The following ST7 variants were observed in gnomAD, a reference collection of about 807,000 sequenced individuals.
ST7 encodes the protein suppression of tumorigenicity 7.
A neutral mutation model predicts 78.7 loss-of-function variants in ST7; 28 were observed. That is an observed-to-expected ratio of 0.36 (90% CI 0.26 to 0.49). The LOEUF (loss-of-function observed/expected upper bound fraction) is 0.49. Ranked by LOEUF, ST7 falls within the 20% of genes least tolerant of loss-of-function variation. The pLI is 0.99. For missense variants in ST7, 418 were observed against 696.0 expected, an observed-to-expected ratio of 0.60 and a Z score of 4.49; for synonymous variants, 247 against 249.6, an observed-to-expected ratio of 0.99 and a Z score of 0.10.
chr7:116,955,988 G>GGAA (rs1215447901), intron 1 of ST7, among the ~76,000 whole-genome samples: 11 of 152,150 alleles, frequency 7.2e-5, no homozygotes, highest in Non-Finnish European at 1.3e-4. Flanking sequence ...AGATAAAAGG[G>GGAA]GAAGCACACA....
intron 9 of ST7, among the ~76,000 whole-genome samples, chr7:117,149,490 G>C (rs980352368): frequency 1.3e-5 from 2 of 151,640 alleles, no homozygotes; most frequent in African/African-American, 4.9e-5. Context: ...CTCCTACTCT[G>C]ATGGGCTCCT....
At chr7:117,154,427 G>A (rs1563126617) in intron 9 of ST7, among the ~76,000 whole-genome samples, 1 of 152,192 alleles carries the variant, frequency 6.6e-6, no homozygotes, top group Non-Finnish European at 1.5e-5. Flanking sequence ...AAGACAAAGA[G>A]GATTCCCTGT....
chr7:117,129,774 A>G lies in ST7; in HGVS notation c.395-19A>G, dbSNP rs754805389. ...CACTGAACTTACGCGTAACATTTTC[A>G]TATTTCTCTTTGTTGCAGAATGCAA... On this transcript the variant is annotated intron_variant, in intron 3 of 15. Transcript: ENST00000323984. The G allele has an allele frequency of 1.3e-5, 21 of 1,604,218 alleles. No homozygotes were observed. Among genetic ancestry groups the G allele is most frequent in the Non-Finnish European group, 6.8e-6 (8 of 1,173,028 alleles).
At chr7:117,135,943 C>A in intron 7 of ST7, 138 bp from the exon 8 acceptor site, 5 of 830,122 alleles carry the variant, frequency 6.0e-6, no homozygotes, top group Non-Finnish European at 9.6e-6. Context: ...GTGTCAGCAA[C>A]TACAAACAGG....
At position 117,126,135 on chromosome 7, in the gene ST7, A is replaced by G. The variant is rs1465056069; in HGVS notation, c.395-3658A>G. On this transcript the variant is annotated intron_variant, in intron 3 of 15. Coordinates refer to ENST00000323984, the MANE Select transcript of ST7 (RefSeq NM_001369598.1). Reference sequence around the variant, plus strand: ...TGCTGCTACTACTGTTTGTAATAACATTGTCATGCTTATCCATACTTTAGA... The same window carrying G: ...TGCTGCTACTACTGTTTGTAATAACGTTGTCATGCTTATCCATACTTTAGA... Among the ~76,000 whole-genome samples, 3 of 152,114 alleles carry G rather than the reference A, an allele frequency of 2.0e-5. No homozygotes were observed. In the East Asian group the frequency reaches 5.8e-4, roughly 29 times the overall value.
At chr7:117,159,310 A>G (rs1188009822) in intron 9 of ST7, among the ~76,000 whole-genome samples, 3 of 152,204 alleles carry the variant, frequency 2.0e-5, no homozygotes. Context: ...GACAATAGCC[A>G]GATGATGTAA....
In ST7 at chr7:116,963,719, G is replaced by A. The variant is rs1239461398; in HGVS notation, c.151+10028G>A. Reference sequence around the variant, plus strand: ...GCCATCTCGGCTCACTGTAAACTCCGCCTCCTGGGTTCAAGCGATTCTTCT... The same window carrying A: ...GCCATCTCGGCTCACTGTAAACTCCACCTCCTGGGTTCAAGCGATTCTTCT... On this transcript the variant is annotated intron_variant, in intron 1 of 15. Transcript: ENST00000323984. Among the ~76,000 whole-genome samples, 6 of 148,726 alleles carry A rather than the reference G, an allele frequency of 4.0e-5. No homozygotes were observed. In the South Asian group the frequency reaches 8.5e-4, roughly 21 times the overall value.
chr7:117,120,382 T>A (rs1416572035), intron 3 of ST7, among the ~76,000 whole-genome samples: 1 of 152,218 alleles, frequency 6.6e-6, no homozygotes, highest in Non-Finnish European at 1.5e-5. Flanking sequence ...TCTAACTAGA[T>A]CTGATCACAT....
chr7:117,055,631 C>A (rs1343579991), intron 1 of ST7, among the ~76,000 whole-genome samples: 1 of 152,116 alleles, frequency 6.6e-6, no homozygotes, highest in Non-Finnish European at 1.5e-5. Flanking sequence ...ACCTTTAAGT[C>A]CTTATTTGCT....
chr7:117,003,443 G>A (rs867985685), intron 1 of ST7, among the ~76,000 whole-genome samples: 4 of 151,508 alleles, frequency 2.6e-5, no homozygotes, highest in Admixed American at 1.3e-4. Flanking sequence ...GACTACAGGC[G>A]CACACCACCA....
intron 1 of ST7, chr7:116,955,189 T>A (rs1163646153): frequency 2.2e-6 from 1 of 452,432 alleles, no homozygotes; most frequent in Non-Finnish European, 4.5e-6. Flanking sequence ...CTCAAAGTTC[T>A]ATACCTTTAA....
At chr7:116,984,275 C>T (rs1029587134) in intron 1 of ST7, among the ~76,000 whole-genome samples, 14 of 152,286 alleles carry the variant, frequency 9.2e-5, no homozygotes, top group Non-Finnish European at 1.9e-4. Flanking sequence ...GCCTCCATAA[C>T]TGCAAGAAAT....
intron 1 of ST7, among the ~76,000 whole-genome samples, chr7:117,095,578 G>A (rs1447160709): frequency 1.3e-5 from 2 of 152,172 alleles, no homozygotes; most frequent in Non-Finnish European, 2.9e-5. Context: ...CAATAACTGA[G>A]GTGATATTCT....
At chr7:117,140,099 T>C (rs990619868) in intron 9 of ST7, among the ~76,000 whole-genome samples, 1 of 152,254 alleles carries the variant, frequency 6.6e-6, no homozygotes, top group African/African-American at 2.4e-5. Context: ...ATGATTTTAA[T>C]TTCAGGTTTT....
intron 9 of ST7, 116 bp downstream of exon 9, chr7:117,138,648 T>G (rs561297032): frequency 1.5e-6 from 1 of 654,590 alleles, no homozygotes; most frequent in East Asian, 3.0e-5. Flanking sequence ...GGAGCCAGAC[T>G]GTGTGGGGTT....
intron 7 of ST7, among the ~76,000 whole-genome samples, chr7:117,135,147 A>G (rs1804682198): frequency 6.6e-6 from 1 of 152,036 alleles, no homozygotes; most frequent in Non-Finnish European, 1.5e-5. Flanking sequence ...GGTCTGTTAC[A>G]GCCTCACCAC....
chr7:117,078,315 G>A (rs1799505242), intron 1 of ST7, among the ~76,000 whole-genome samples: 1 of 152,156 alleles, frequency 6.6e-6, no homozygotes, highest in Non-Finnish European at 1.5e-5. Flanking sequence ...TTTAACAGTA[G>A]AATAGAAAAG....
intron 1 of ST7, among the ~76,000 whole-genome samples, chr7:117,073,354 C>A (rs1799114170): frequency 6.6e-6 from 1 of 152,132 alleles, no homozygotes; most frequent in Non-Finnish European, 1.5e-5. Flanking sequence ...GTGAAAGGAA[C>A]TTTGGGACAT....
intron 12 of ST7, among the ~76,000 whole-genome samples, chr7:117,205,138 A>C (rs1791628617): frequency 6.6e-6 from 1 of 152,208 alleles, no homozygotes; most frequent in Admixed American, 6.5e-5. Flanking sequence ...CTCCCATTAA[A>C]ATCAAATATT....
Sources: allele counts gnomAD v4.1 joint callset (sites outside exome capture counted in the v4.1 genomes callset), GRCh38; gene constraint gnomAD v4.1.1; transcripts MANE v1.5; gene names NCBI Gene and HGNC (gene_info 2026-07-23, HGNC 2026-07-21).